Variants in ADAM32 observed in about 807,000 individuals in gnomAD.
ADAM32 encodes the protein disintegrin and metalloproteinase domain-containing protein 32.
ADAM32 carries 89 observed loss-of-function variants against 114.9 expected under a neutral mutation model. The ratio of observed to expected loss-of-function variants is 0.77; its 90% CI spans 0.65 to 0.92. The LOEUF is 0.92. ADAM32 is among the 40% of genes least tolerant of loss of function. ADAM32 has a pLI of 0.00. For missense variants in ADAM32, 870 were observed against 932.8 expected (o/e 0.93, Z 0.88); for synonymous variants, 285 against 307.5 (o/e 0.93, Z 0.77).
intron 16 of ADAM32, among the ~76,000 whole-genome samples, chr8:39,243,931 TAA>T (rs1810728327): frequency 6.6e-6 from 1 of 152,094 alleles, no homozygotes; most frequent in African/African-American, 2.4e-5. Flanking sequence ...ATGAATTCAG[TAA>T]AGTTTCAGGA....
chr8:39,122,949 C>T (rs554406975), intron 2 of ADAM32, among the ~76,000 whole-genome samples: 1 of 152,298 alleles, frequency 6.6e-6, no homozygotes, highest in South Asian at 2.1e-4. Flanking sequence ...AGGTCTTTAC[C>T]TAACCCAAGC....
At chr8:39,152,978 G>A (rs117310851) in intron 6 of ADAM32, among the ~76,000 whole-genome samples, 1,612 of 152,232 alleles carry the variant, frequency 0.011, 16 homozygotes, top group South Asian at 0.038. Flanking sequence ...GACATGTAAT[G>A]GTCCACAAGG....
intron 1 of ADAM32, 81 bp downstream of exon 1, chr8:39,107,914 C>A (rs1157248224): frequency 7.7e-6 from 11 of 1,434,008 alleles, no homozygotes; most frequent in African/African-American, 1.5e-5. Flanking sequence ...GGGGCCCTCC[C>A]TGTCTGGGTC....
At chr8:39,165,567 C>T (rs951033802) in intron 9 of ADAM32, 2 of 156,040 alleles carry the variant, frequency 1.3e-5, no homozygotes, top group African/African-American at 4.8e-5. Context: ...CTTAAATAAG[C>T]TTTGACCAAA....
At chr8:39,133,857 G>T (rs1802612953) in intron 2 of ADAM32, among the ~76,000 whole-genome samples, 1 of 152,216 alleles carries the variant, frequency 6.6e-6, no homozygotes, top group African/African-American at 2.4e-5. Context: ...GTTTGGGTGG[G>T]CCGGTCCTCA....
intron 17 of ADAM32, among the ~76,000 whole-genome samples, chr8:39,254,117 A>G (rs1811475306): frequency 6.6e-6 from 1 of 151,690 alleles, no homozygotes; most frequent in Admixed American, 6.6e-5. Flanking sequence ...TCACATTTTC[A>G]TTATAATTTA....
rs768280674 is a variant in ADAM32, at chr8:39,257,137, G to A, written c.2006-50G>A. 4.1e-6 allele frequency: 6 copies of A among 1,464,584 alleles called. No individual in the cohort carries two copies. In the Admixed American group the frequency reaches 1.5e-4, roughly 38 times the overall value. The allele number at this position is 1,464,584 out of a possible 1,614,324, so 90.7% of individuals were successfully genotyped here. On this transcript the variant is annotated intron_variant, in intron 18 of 24. Coordinates refer to ENST00000379907, the MANE Select transcript of ADAM32 (RefSeq NM_145004.7). ...AATGTGTTGCAACTTGAAAGTAAAA[G>A]TAGATAGTTTAATTTTTTTGTTTTT...
intron 6 of ADAM32, among the ~76,000 whole-genome samples, chr8:39,160,266 C>T (rs114343780): frequency 8.1e-4 from 124 of 152,258 alleles, no homozygotes; most frequent in African/African-American, 2.8e-3. Flanking sequence ...CAGAAAGGAG[C>T]GCGGTGGCTC....
intron 6 of ADAM32, among the ~76,000 whole-genome samples, chr8:39,155,989 T>C (rs906721560): frequency 6.6e-6 from 1 of 152,180 alleles, no homozygotes; most frequent in Admixed American, 6.5e-5. Flanking sequence ...GTTTTTATTA[T>C]CACAAATTAT....
chr8:39,237,943 G>A (rs948391786), intron 16 of ADAM32, among the ~76,000 whole-genome samples: 6 of 152,188 alleles, frequency 3.9e-5, no homozygotes, highest in Admixed American at 2.6e-4. Context: ...TCTCTTGAAA[G>A]TGCTGTCTCT....
intron 16 of ADAM32, among the ~76,000 whole-genome samples, chr8:39,235,284 T>C (rs997882260): frequency 8.5e-5 from 13 of 152,206 alleles, no homozygotes; most frequent in African/African-American, 3.1e-4. Context: ...AGATGATCTT[T>C]AAGAAATAAT....
intron 22 of ADAM32, among the ~76,000 whole-genome samples, chr8:39,280,228 G>A (rs2129451724): frequency 6.6e-6 from 1 of 152,146 alleles, no homozygotes. Flanking sequence ...CATCTTTTAG[G>A]GTATAAGTAA....
At position 39,118,075 on chromosome 8, in the gene ADAM32, T is replaced by TTA; in HGVS notation, c.59-11_59-10insTA. ...AAGGTTACTAACTTTTTTTTTTTTT[T>TTA]ATCTCTTCAGGTTTTCAAAATTCAC... On this transcript the variant is annotated splice_polypyrimidine_tract_variant and intron_variant, in intron 1 of 24. Transcript: ENST00000379907. The TTA allele has an allele frequency of 2.1e-6, 3 of 1,423,546 alleles. No homozygotes were observed. Among genetic ancestry groups the TTA allele is most frequent in the East Asian group, 2.7e-5 (1 of 37,186 alleles). 88.2% of individuals were successfully genotyped at this position (1,423,546 alleles called of 1,614,324 possible).
chr8:39,237,679 A>G (rs1810265533), intron 16 of ADAM32, among the ~76,000 whole-genome samples: 1 of 145,864 alleles, frequency 6.9e-6, no homozygotes, highest in African/African-American at 2.5e-5. Flanking sequence ...AGGTAACTCC[A>G]TTGACCTGAG....
At chr8:39,124,478 T>G (rs542303271) in intron 2 of ADAM32, among the ~76,000 whole-genome samples, 4 of 151,750 alleles carry the variant, frequency 2.6e-5, no homozygotes, top group African/African-American at 9.7e-5. Flanking sequence ...AGTGCAGTGA[T>G]GTGATCTCTG....
intron 10 of ADAM32, among the ~76,000 whole-genome samples, chr8:39,180,239 G>T (rs902676348): frequency 1.3e-5 from 2 of 152,238 alleles, no homozygotes; most frequent in African/African-American, 4.8e-5. Flanking sequence ...ACCCCAGGCA[G>T]TGAGGGGCTT....
At chr8:39,233,540 T>G (rs576790958) in intron 15 of ADAM32, among the ~76,000 whole-genome samples, 1 of 152,282 alleles carries the variant, frequency 6.6e-6, no homozygotes, top group African/African-American at 2.4e-5. Context: ...CTTAATGCTG[T>G]TTTATCAGCT....
intron 1 of ADAM32, among the ~76,000 whole-genome samples, chr8:39,109,462 G>A (rs375875408): frequency 6.6e-6 from 1 of 152,062 alleles, no homozygotes; most frequent in South Asian, 2.1e-4. Context: ...CAGGAGAATC[G>A]GTTGAACCCA....
chr8:39,167,473 G>C (rs1804912949), intron 9 of ADAM32: 1 of 152,128 alleles, frequency 6.6e-6, no homozygotes, highest in African/African-American at 2.4e-5. Context: ...AAATCAGTTA[G>C]TGTGATGGCT....
Sources: allele counts gnomAD v4.1 joint callset (sites outside exome capture counted in the v4.1 genomes callset), GRCh38; gene constraint gnomAD v4.1.1; transcripts MANE v1.5; gene names NCBI Gene and HGNC (gene_info 2026-07-23, HGNC 2026-07-21).